The following UTRN variants were observed in gnomAD, a reference collection of about 807,000 sequenced individuals.
UTRN encodes utrophin.
A neutral mutation model predicts 463.9 loss-of-function variants in UTRN; 283 were observed. The observed-to-expected ratio is 0.61, with a 90% CI of 0.55 to 0.67. The LOEUF is 0.67. Among genes scored for constraint, UTRN ranks in the 30% least tolerant of loss-of-function variants. UTRN has a pLI of 0.00. For missense variants in UTRN, 3,922 were observed against 4,084.3 expected, an observed-to-expected ratio of 0.96 and a Z score of 1.08; for synonymous variants, 1,442 against 1,431.5, an observed-to-expected ratio of 1.01 and a Z score of -0.17.
chr6:144,850,885 G>C, intron 74 of UTRN, 104 bp from the exon 75 acceptor site: 1 of 1,490,920 alleles, frequency 6.7e-7, no homozygotes, highest in Non-Finnish European at 9.4e-7. Context: ...GTAGAGTTAA[G>C]ACTCTTGAAA....
chr6:144,750,197 A>G (rs1483038274), intron 55 of UTRN, among the ~76,000 whole-genome samples: 1 of 125,292 alleles, frequency 8.0e-6, no homozygotes, highest in Non-Finnish European at 1.6e-5. Flanking sequence ...CTGTGCTTCT[A>G]TATTAATTGT....
chr6:144,573,041 C>T (rs1004325340), intron 50 of UTRN, among the ~76,000 whole-genome samples: 1 of 152,196 alleles, frequency 6.6e-6, no homozygotes, highest in Non-Finnish European at 1.5e-5. Flanking sequence ...TATTTCTCCA[C>T]ATCCTCTCCA....
intron 34 of UTRN, among the ~76,000 whole-genome samples, chr6:144,504,992 G>T (rs1286472793): frequency 1.3e-5 from 2 of 152,178 alleles, no homozygotes; most frequent in African/African-American, 4.8e-5. Context: ...TCTTATGAGG[G>T]TGTATGTGTC....
At chr6:144,662,456 T>C (rs1017794220) in intron 51 of UTRN, among the ~76,000 whole-genome samples, 3 of 152,116 alleles carry the variant, frequency 2.0e-5, no homozygotes, top group Admixed American at 2.0e-4. Context: ...CACGCAGAGG[T>C]AGAGTCCCTT....
At chr6:144,704,696 G>C (rs529851638) in intron 53 of UTRN, among the ~76,000 whole-genome samples, 9 of 152,268 alleles carry the variant, frequency 5.9e-5, no homozygotes, top group Non-Finnish European at 1.3e-4. Flanking sequence ...GGGCGTGGTG[G>C]CTCACACCTG....
intron 33 of UTRN, among the ~76,000 whole-genome samples, chr6:144,496,779 G>A (rs116925447): frequency 6.6e-6 from 1 of 152,348 alleles, no homozygotes; most frequent in East Asian, 1.9e-4. Flanking sequence ...TATAGGTAAA[G>A]GGGGGTTTCA....
At chr6:144,844,870 ATCT>A (rs1372729995) in intron 73 of UTRN, among the ~76,000 whole-genome samples, 8 of 152,346 alleles carry the variant, frequency 5.3e-5, no homozygotes, top group Non-Finnish European at 8.8e-5. Flanking sequence ...CAATGAATTG[ATCT>A]TCATGTTAAT....
At chr6:144,415,699 A>G (rs985692161) in intron 3 of UTRN, among the ~76,000 whole-genome samples, 3 of 152,220 alleles carry the variant, frequency 2.0e-5, no homozygotes, top group Non-Finnish European at 2.9e-5. Flanking sequence ...GATGCCCATT[A>G]GGGTAAATCA....
intron 58 of UTRN, among the ~76,000 whole-genome samples, chr6:144,768,061 C>G (rs1410492722): frequency 6.6e-6 from 1 of 152,142 alleles, no homozygotes; most frequent in Non-Finnish European, 1.5e-5. Flanking sequence ...GTATCTTCCA[C>G]AGAGCAGTCA....
intron 34 of UTRN, among the ~76,000 whole-genome samples, chr6:144,510,246 C>G (rs146047047): frequency 2.0e-4 from 31 of 152,274 alleles, no homozygotes; most frequent in East Asian, 1.7e-3. Flanking sequence ...AATTGTGGAA[C>G]TCATGCTCTC....
intron 47 of UTRN, among the ~76,000 whole-genome samples, chr6:144,549,586 T>C (rs575714326): frequency 6.6e-6 from 1 of 152,280 alleles, no homozygotes; most frequent in Admixed American, 6.5e-5. Context: ...GACAAATTAC[T>C]GTAGCAAGGC....
In UTRN at chr6:144,440,591, C is replaced by T. The variant is rs1024146331; in HGVS notation, c.1512+120C>T. ...TATCCAGAAGGGTAGAAAAACCTAC[C>T]TTTGATTGTACTTCTCAGTTGGGGT... On this transcript the variant is annotated intron_variant, in intron 13 of 74. Transcript: ENST00000367545. The T allele has an allele frequency of 4.5e-6, 6 of 1,338,938 alleles. No individual in the cohort carries two copies. In the African/African-American group the frequency reaches 7.3e-5, roughly 16 times the overall value. The allele number at this position is 1,338,938 out of a possible 1,614,324, so 82.9% of individuals were successfully genotyped here. A position where few individuals can be genotyped will look rare whatever the true frequency, so the allele number is the denominator to read the frequency against.
rs1332366289 is a variant in UTRN, at chr6:144,852,718, C to T, written c.*1721C>T. On this transcript the variant is annotated 3_prime_UTR_variant, in exon 75 of 75. Coordinates refer to ENST00000367545, the MANE Select transcript of UTRN (RefSeq NM_007124.3). ...AGAAAGCACCTATTTAAAGAAAAAA[C>T]AATTCCCTGAGCTCTCAACTCCAAG... The T allele has an allele frequency of 1.3e-5, 2 of 152,572 alleles. No homozygotes were observed. Among genetic ancestry groups the T allele is most frequent in the Admixed American group, 1.3e-4 (2 of 15,256 alleles). The allele number at this position is 152,572 out of a possible 1,614,324, so 9.5% of individuals were successfully genotyped here. A position where few individuals can be genotyped will look rare whatever the true frequency, so the allele number is the denominator to read the frequency against.
Position 144,824,603 on chromosome 6 carries a change from TA to T in UTRN, c.9495-2744del, listed in dbSNP as rs1562954994. ...ATATATATATATATATATATATATA[TA>T]TATATATATCTTTTTTTTTTTTTTT... On this transcript the variant is annotated intron_variant, in intron 66 of 74. Transcript: ENST00000367545. Among the ~76,000 whole-genome samples the T allele has an allele frequency of 2.2e-3, 116 of 52,650 alleles. 2 individuals are homozygous for T. The highest frequency in any genetic ancestry group is 6.9e-3 in the African/African-American group (55 of 8,000). 34.5% of individuals were successfully genotyped at this position (52,650 alleles called of 152,430 possible).
In UTRN at chr6:144,643,668, G is replaced by A. The variant is rs373806773; in HGVS notation, c.7480-34738G>A. 2.4e-3 allele frequency among the ~76,000 whole-genome samples: 369 copies of A among 152,006 alleles called. 3 individuals are homozygous for A. Among genetic ancestry groups the A allele is most frequent in the African/African-American group, 8.4e-3 (349 of 41,450 alleles). On this transcript the variant is annotated intron_variant, in intron 51 of 74. Coordinates refer to ENST00000367545, the MANE Select transcript of UTRN (RefSeq NM_007124.3). ...AAAAATTAGCCAGGCATGGGGGCAG[G>A]CACCTGTAATCCCAGCTACTTGAGA...
intron 2 of UTRN, among the ~76,000 whole-genome samples, chr6:144,296,479 G>T (rs1203896346): frequency 6.6e-6 from 1 of 152,202 alleles, no homozygotes; most frequent in East Asian, 1.9e-4. Context: ...CTCCCCAAGA[G>T]CAGGGACCAA....
At chr6:144,692,253 T>C (rs1192139033) in intron 52 of UTRN, among the ~76,000 whole-genome samples, 3 of 152,232 alleles carry the variant, frequency 2.0e-5, no homozygotes, top group Non-Finnish European at 2.9e-5. Flanking sequence ...TAGTATTCCA[T>C]GGTGTATATG....
In UTRN at chr6:144,336,480, A is replaced by T. The variant is rs563898009; in HGVS notation, c.79+44573A>T. Among the ~76,000 whole-genome samples the T allele has an allele frequency of 9.9e-5, 15 of 152,276 alleles. No individual in the cohort carries two copies. The South Asian group carries it at 2.9e-3, about 29-fold the overall frequency. ...GCTGGTGGCCCTGTAGGACACTTGG[A>T]CACATTTTTTTTCCTGCCAACACCA... On this transcript the variant is annotated intron_variant, in intron 2 of 74. Coordinates refer to ENST00000367545, the MANE Select transcript of UTRN (RefSeq NM_007124.3).
intron 52 of UTRN, among the ~76,000 whole-genome samples, chr6:144,684,765 G>A (rs1017643027): frequency 2.3e-4 from 35 of 152,132 alleles, no homozygotes; most frequent in African/African-American, 8.5e-4. Flanking sequence ...CCAGGGGGGT[G>A]CCTTCCTTCA....
Sources: allele counts gnomAD v4.1 joint callset (sites outside exome capture counted in the v4.1 genomes callset), GRCh38; gene constraint gnomAD v4.1.1; transcripts MANE v1.5; gene names NCBI Gene and HGNC (gene_info 2026-07-23, HGNC 2026-07-21).